The following ECPAS variants were observed in gnomAD, a reference collection of about 807,000 sequenced individuals.
ECPAS encodes Ecm29 proteasome adaptor and scaffold.
ECPAS carries 70 observed loss-of-function variants against 255.1 expected under a neutral mutation model. That is an observed-to-expected ratio of 0.27 (90% CI 0.23 to 0.33). ECPAS has a LOEUF of 0.33. Among genes scored for constraint, ECPAS ranks in the 10% least tolerant of loss-of-function variants. The pLI is 1.00. For synonymous variants in ECPAS, 784 were observed against 775.0 expected (o/e 1.01, Z -0.19); for missense variants, 1,817 against 2,206.4 (o/e 0.82, Z 3.54).
In ECPAS at chr9:111,435,391, A is replaced by G. The variant is rs189400790; in HGVS notation, c.708+1549T>C. Among the ~76,000 whole-genome samples the G allele has an allele frequency of 6.1e-4, 93 of 152,338 alleles. 1 individual carries two copies. Among genetic ancestry groups the G allele is most frequent in the Admixed American group, 5.9e-3 (91 of 15,300 alleles). On this transcript the variant is annotated intron_variant, in intron 7 of 49. Coordinates refer to ENST00000684092, the MANE Select transcript of ECPAS (RefSeq NM_001364929.1). The stretch of plus-strand genomic sequence containing the variant: ...AGATTATGAAACTGACAAAACACAT[A>G]CAGAGGCATATTGGCAAATAATGAC...
intron 23 of ECPAS, 61 bp from the exon 24 acceptor site, chr9:111,408,733 A>G (rs943930876): frequency 8.1e-6 from 8 of 985,406 alleles, no homozygotes; most frequent in Non-Finnish European, 1.2e-5. Flanking sequence ...ACCCCAGTGC[A>G]GTATTTCCAA....
chr9:111,457,208 G>C (rs1019795884), intron 2 of ECPAS, among the ~76,000 whole-genome samples: 3 of 152,216 alleles, frequency 2.0e-5, no homozygotes, highest in South Asian at 2.1e-4. Context: ...ACAGGGTAGA[G>C]GAATCAGTGG....
At chr9:111,400,399 T>C (rs921963298) in intron 24 of ECPAS, among the ~76,000 whole-genome samples, 1 of 152,190 alleles carries the variant, frequency 6.6e-6, no homozygotes, top group East Asian at 1.9e-4. Context: ...TGAGAAAACA[T>C]GTTCGAAAAA....
chr9:111,372,946 C>T (rs577255828), intron 41 of ECPAS, among the ~76,000 whole-genome samples: 45 of 152,138 alleles, frequency 3.0e-4, no homozygotes, highest in Admixed American at 2.6e-3. Flanking sequence ...ACACAAGAAT[C>T]GCTTGAGCCC....
In ECPAS at chr9:111,402,426, C is replaced by CT. The variant is rs1286730423; in HGVS notation, c.2653-5274dup. 1.2e-4 allele frequency among the ~76,000 whole-genome samples: 18 copies of CT among 152,158 alleles called. No homozygotes were observed. In the East Asian group the frequency reaches 3.3e-3, roughly 28 times the overall value. On this transcript the variant is annotated intron_variant, in intron 24 of 49. Transcript: ENST00000684092. ...AATACACAGACAAATTCAAAATACT[C>CT]TAATACTTTATAGAGTATTCTAAAG...
intron 28 of ECPAS, 61 bp from the exon 29 acceptor site, chr9:111,391,885 A>G (rs1375208288): frequency 9.7e-7 from 1 of 1,030,388 alleles, no homozygotes; most frequent in East Asian, 2.5e-5. Context: ...TCAACTAGCC[A>G]ATACGATTCA....
chr9:111,375,067 A>G, intron 38 of ECPAS, 46 bp downstream of exon 38: 3 of 1,379,790 alleles, frequency 2.2e-6, no homozygotes, highest in Non-Finnish European at 3.1e-6. Flanking sequence ...CCTTATGGCC[A>G]GAACTAATGA....
intron 1 of ECPAS, among the ~76,000 whole-genome samples, chr9:111,476,990 T>C (rs2098297006): frequency 6.6e-6 from 1 of 151,968 alleles, no homozygotes; most frequent in African/African-American, 2.4e-5. Context: ...TTAGTAGAGA[T>C]GGGGTTTCTC....
chr9:111,431,306 C>T (rs1469594940), intron 8 of ECPAS, among the ~76,000 whole-genome samples: 1 of 152,088 alleles, frequency 6.6e-6, no homozygotes, highest in Non-Finnish European at 1.5e-5. Flanking sequence ...ACCTGCAATC[C>T]CAGCACTTTG....
chr9:111,433,810 G>T (rs553360032), intron 7 of ECPAS, among the ~76,000 whole-genome samples: 55 of 152,222 alleles, frequency 3.6e-4, no homozygotes, highest in African/African-American at 1.3e-3. Context: ...GTGCTCCATG[G>T]ATTTTTCTGA....
chr9:111,386,355 C>CT (rs2098148502), intron 32 of ECPAS, 22 bp downstream of exon 32: 2 of 1,468,904 alleles, frequency 1.4e-6, no homozygotes, highest in Admixed American at 3.6e-5. Context: ...TTTGACTAAA[C>CT]TTATATTCCT....
intron 2 of ECPAS, among the ~76,000 whole-genome samples, chr9:111,459,251 T>C (rs1441296950): frequency 1.3e-5 from 2 of 152,098 alleles, no homozygotes; most frequent in Non-Finnish European, 2.9e-5. Context: ...AAGAAATTAT[T>C]ATCTTTTTCT....
At chr9:111,389,411 G>C (rs1340931182) in intron 31 of ECPAS, 145 bp downstream of exon 31, 2 of 687,010 alleles carry the variant, frequency 2.9e-6, no homozygotes, top group Non-Finnish European at 4.4e-6. Flanking sequence ...AAAGAAGGAA[G>C]AAAGCATGGA....
At chr9:111,478,055 C>T (rs1249578543) in intron 1 of ECPAS, among the ~76,000 whole-genome samples, 1 of 151,904 alleles carries the variant, frequency 6.6e-6, no homozygotes, top group Non-Finnish European at 1.5e-5. Context: ...CGCATGCCAA[C>T]ACACCCAGCT....
At chr9:111,370,252 T>G (rs747294495) in intron 45 of ECPAS, among the ~76,000 whole-genome samples, 183 bp downstream of exon 45, 8 of 152,226 alleles carry the variant, frequency 5.3e-5, no homozygotes, top group Non-Finnish European at 1.2e-4. Context: ...CCTGAACACT[T>G]TGTGATGCTC....
chr9:111,426,368 T>TAA (rs774666781), intron 10 of ECPAS, among the ~76,000 whole-genome samples: 17 of 115,868 alleles, frequency 1.5e-4, no homozygotes, highest in East Asian at 2.6e-4. Flanking sequence ...TTACTTACAC[T>TAA]AAAAAAAAAA....
In ECPAS at chr9:111,428,331, C is replaced by T. The variant is rs190524252; in HGVS notation, c.931-170G>A. ...GAGCTTCTGTTTATATCTGTGTAACCTATCAATATTTACTATACGGGAAAT... is the reference window on the plus strand; with the variant it reads ...GAGCTTCTGTTTATATCTGTGTAACTTATCAATATTTACTATACGGGAAAT... On this transcript the variant is annotated intron_variant, in intron 9 of 49. Transcript: ENST00000684092. Among the ~76,000 whole-genome samples the T allele has an allele frequency of 3.9e-5, 6 of 152,190 alleles. No homozygotes were observed. In the East Asian group the frequency reaches 9.7e-4, roughly 24 times the overall value.
chr9:111,440,931 G>A (rs1047300905), intron 5 of ECPAS, among the ~76,000 whole-genome samples: 14 of 151,930 alleles, frequency 9.2e-5, no homozygotes, highest in Non-Finnish European at 1.5e-4. Flanking sequence ...TTGGGAGGCC[G>A]AGGCGGGCAG....
chr9:111,422,983 GACC>G (rs2098216387), intron 13 of ECPAS, among the ~76,000 whole-genome samples: 1 of 152,122 alleles, frequency 6.6e-6, no homozygotes, highest in African/African-American at 2.4e-5. Flanking sequence ...CTCATTTCAA[GACC>G]ACCATTTAAT....
Sources: allele counts gnomAD v4.1 joint callset (sites outside exome capture counted in the v4.1 genomes callset), GRCh38; gene constraint gnomAD v4.1.1; transcripts MANE v1.5; gene names NCBI Gene and HGNC (gene_info 2026-07-23, HGNC 2026-07-21).